BTBD7: variants seen among roughly 807,000 people sequenced by gnomAD.
BTBD7 encodes BTB/POZ domain-containing protein 7.
BTBD7 carries 38 observed loss-of-function variants against 99.9 expected under a neutral mutation model. That is an observed-to-expected ratio of 0.38 (90% CI 0.29 to 0.50). The LOEUF (loss-of-function observed/expected upper bound fraction) is 0.50. Among genes scored for constraint, BTBD7 ranks in the 20% least tolerant of loss-of-function variants. The pLI is 0.93. For synonymous variants in BTBD7, 520 were observed against 511.4 expected, an observed-to-expected ratio of 1.02 and a Z score of -0.23; for missense variants, 1,170 against 1,394.6, an observed-to-expected ratio of 0.84 and a Z score of 2.57.
At chr14:93,295,336 G>GC (rs1448002382) in intron 2 of BTBD7, among the ~76,000 whole-genome samples, 1 of 152,014 alleles carries the variant, frequency 6.6e-6, no homozygotes, top group Non-Finnish European at 1.5e-5. Flanking sequence ...TGTTGCTCAG[G>GC]CTGGTCTTGA....
At chr14:93,310,770 CTTTTTT>C (rs56756515) in intron 1 of BTBD7, among the ~76,000 whole-genome samples, 22 of 116,672 alleles carry the variant, frequency 1.9e-4, no homozygotes, top group Middle Eastern at 4.9e-3. Flanking sequence ...AACCAAAAAA[CTTTTTT>C]TTTTTTTTTT....
At chr14:93,331,880 C>CCG (rs1291507370) in intron 1 of BTBD7, among the ~76,000 whole-genome samples, 1 of 75,052 alleles carries the variant, frequency 1.3e-5, no homozygotes, top group Non-Finnish European at 2.7e-5. Context: ...GACTCCGTCT[C>CCG]CCCCCCCCCA....
chr14:93,263,015 T>A (rs1412811759), intron 4 of BTBD7, among the ~76,000 whole-genome samples: 1 of 152,198 alleles, frequency 6.6e-6, no homozygotes, highest in Non-Finnish European at 1.5e-5. Context: ...TATTTAACTC[T>A]CCACTGCATT....
intron 1 of BTBD7, among the ~76,000 whole-genome samples, chr14:93,315,318 T>C (rs1374617845): frequency 6.6e-6 from 1 of 152,220 alleles, no homozygotes; most frequent in Non-Finnish European, 1.5e-5. Flanking sequence ...TATTAAGTCC[T>C]AAGTATTAAG....
intron 3 of BTBD7, among the ~76,000 whole-genome samples, chr14:93,265,203 T>G (rs1037439532): frequency 2.5e-4 from 38 of 152,330 alleles, no homozygotes; most frequent in Non-Finnish European, 4.4e-4. Context: ...TGTGAAACCA[T>G]GAAAGGTGTA....
intron 1 of BTBD7, among the ~76,000 whole-genome samples, chr14:93,316,204 T>C (rs974232669): frequency 6.6e-6 from 1 of 151,744 alleles, no homozygotes; most frequent in Admixed American, 6.6e-5. Context: ...TCTACCCACC[T>C]TGGCCTCCCC....
intron 3 of BTBD7, among the ~76,000 whole-genome samples, chr14:93,266,534 C>A (rs145626669): frequency 3.3e-5 from 5 of 151,720 alleles, no homozygotes; most frequent in African/African-American, 1.2e-4. Context: ...AGGAAACAGA[C>A]AGATGTTAAA....
intron 5 of BTBD7, among the ~76,000 whole-genome samples, chr14:93,260,445 A>G (rs1217457269): frequency 3.3e-5 from 5 of 152,352 alleles, no homozygotes; most frequent in African/African-American, 9.6e-5. Flanking sequence ...ACAAATTTCC[A>G]AAGTTGAAAG....
intron 3 of BTBD7, among the ~76,000 whole-genome samples, chr14:93,271,477 A>G (rs1038599732): frequency 2.6e-5 from 4 of 152,362 alleles, no homozygotes; most frequent in Non-Finnish European, 4.4e-5. Context: ...TAGACTTGGC[A>G]TGGTGATTCT....
intron 5 of BTBD7, among the ~76,000 whole-genome samples, chr14:93,259,095 G>A (rs1171233943): frequency 6.6e-6 from 1 of 152,208 alleles, no homozygotes; most frequent in Admixed American, 6.5e-5. Flanking sequence ...ATACTGAACT[G>A]TTGCTCATAG....
At position 93,278,150 on chromosome 14, in the gene BTBD7, C is replaced by T. The variant is rs573165493; in HGVS notation, c.1163-14157G>A. ...TTTTTCAGCCAGGCGTGGTGGCTCA[C>T]GCCTCTAATCCCAGCACTTTGGGAA... On this transcript the variant is annotated intron_variant, in intron 3 of 10. Coordinates refer to ENST00000334746, the MANE Select transcript of BTBD7 (RefSeq NM_001002860.4). Among the ~76,000 whole-genome samples the T allele has an allele frequency of 9.8e-5, 15 of 152,316 alleles. No individual in the cohort carries two copies. The South Asian group carries it at 3.1e-3, about 32-fold the overall frequency.
At chr14:93,269,826 C>G (rs2052582320) in intron 3 of BTBD7, among the ~76,000 whole-genome samples, 1 of 152,092 alleles carries the variant, frequency 6.6e-6, no homozygotes, top group African/African-American at 2.4e-5. Flanking sequence ...TGCCTTCTTC[C>G]CTCCTACCAC....
rs1247994545 is a variant in BTBD7, at chr14:93,294,319, T to A, written c.701A>T (p.Asp234Val). The A allele has an allele frequency of 2.5e-6, 4 of 1,614,164 alleles. No homozygotes were observed. The highest frequency in any genetic ancestry group is 3.4e-6 in the Non-Finnish European group (4 of 1,180,044). The change falls in exon 3 of 11, where the codon GAT becomes GTT. Residue 234 changes from aspartate to valine, a missense_variant. Asp to Val is a radical substitution (Grantham distance 152). Transcript: ENST00000334746. The stretch of plus-strand genomic sequence containing the variant: ...ATCAAAGAGTCCACGCATATCTACA[T>A]CAAGGGAATTTGGTGTTCCAAATTC... ...SEEFGTPNSLDVDMRGLFDYM... is the reference protein window; with the variant it reads ...SEEFGTPNSLVVDMRGLFDYM...
At chr14:93,304,973 T>A (rs1045080109) in intron 1 of BTBD7, among the ~76,000 whole-genome samples, 1 of 152,154 alleles carries the variant, frequency 6.6e-6, no homozygotes, top group African/African-American at 2.4e-5. Flanking sequence ...GGTTTCCTCA[T>A]CCAGGGCAGT....
chr14:93,257,506 T>C (rs2139696032), intron 5 of BTBD7, 151 bp from the exon 6 acceptor site: 1 of 665,964 alleles, frequency 1.5e-6, no homozygotes, highest in South Asian at 3.7e-5. Context: ...TTTTCTTTCA[T>C]GTTTGTTTAA....
rs559579690 is a variant in BTBD7, at chr14:93,270,190, G to T, written c.1163-6197C>A. 2.5e-3 allele frequency among the ~76,000 whole-genome samples: 375 copies of T among 152,170 alleles called. 1 individual carries two copies. The highest frequency in any genetic ancestry group is 8.7e-3 in the African/African-American group (361 of 41,532). On this transcript the variant is annotated intron_variant, in intron 3 of 10. Transcript: ENST00000334746. ...AGCTCACTGCAACCTCAGCTATCCG[G>T]GTTCAAGCAATTCTACTGCCTCAGC...
At chr14:93,327,326 A>G (rs2139835056) in intron 1 of BTBD7, among the ~76,000 whole-genome samples, 1 of 152,328 alleles carries the variant, frequency 6.6e-6, no homozygotes, top group Admixed American at 6.5e-5. Flanking sequence ...GATACTAGAA[A>G]TACAAATGTG....
intron 3 of BTBD7, among the ~76,000 whole-genome samples, chr14:93,267,512 G>A (rs1186450470): frequency 6.6e-6 from 1 of 152,202 alleles, no homozygotes; most frequent in African/African-American, 2.4e-5. Context: ...TTCACTGCCT[G>A]GTGATGTCAC....
intron 1 of BTBD7, among the ~76,000 whole-genome samples, chr14:93,326,056 CAAAA>C (rs2053327110): frequency 1.3e-5 from 2 of 152,036 alleles, no homozygotes; most frequent in East Asian, 3.9e-4. Flanking sequence ...AAAACAAAAA[CAAAA>C]AACCACCACA....
Sources: allele counts gnomAD v4.1 joint callset (sites outside exome capture counted in the v4.1 genomes callset), GRCh38; gene constraint gnomAD v4.1.1; transcripts MANE v1.5; gene names NCBI Gene and HGNC (gene_info 2026-07-23, HGNC 2026-07-21).